Variants in SAMMSON observed in about 807,000 individuals in gnomAD.
SAMMSON encodes the protein survival associated mitochondrial melanoma specific oncogenic non-coding RNA.
chr3:70,426,920 T>C (rs1371881015), intron 2 of SAMMSON, among the ~76,000 whole-genome samples: 2 of 152,224 alleles, frequency 1.3e-5, no homozygotes, highest in Non-Finnish European at 2.9e-5. Context: ...CACTTTCACA[T>C]TTAACATTTC....
chr3:70,078,272 A>C (rs2067255999), intron 4 of SAMMSON, among the ~76,000 whole-genome samples: 1 of 152,170 alleles, frequency 6.6e-6, no homozygotes. Flanking sequence ...CTTTTCTTCC[A>C]GTGTCACCAG....
rs142565506 is a variant in SAMMSON, at chr3:70,020,975, T to C, written n.417+7303T>C. ...TTCTGAAAGTGTTGGTAATGGTGAA[T>C]GAAATGAAATGTTTGTATTCTAGCA... On this transcript the variant is annotated intron_variant and non_coding_transcript_variant, in intron 3 of 9. Transcript: ENST00000642114. Among the ~76,000 whole-genome samples the C allele has an allele frequency of 3.1e-4, 47 of 152,306 alleles. 1 individual carries two copies. The East Asian group carries it at 8.9e-3, about 29-fold the overall frequency.
At chr3:70,203,572 G>C (rs989198453) in intron 4 of SAMMSON, among the ~76,000 whole-genome samples, 1 of 151,988 alleles carries the variant, frequency 6.6e-6, no homozygotes, top group African/African-American at 2.4e-5. Context: ...GTTTTTTTCT[G>C]AGCAAATGAA....
intron 2 of SAMMSON, among the ~76,000 whole-genome samples, chr3:70,431,094 A>G (rs780129063): frequency 6.6e-6 from 1 of 152,118 alleles, no homozygotes; most frequent in Non-Finnish European, 1.5e-5. Flanking sequence ...AGGAGTAGAA[A>G]TTCACTCAAA....
At chr3:70,424,391 A>AT (rs1484816305) in intron 2 of SAMMSON, among the ~76,000 whole-genome samples, 22 of 152,210 alleles carry the variant, frequency 1.4e-4, no homozygotes, top group Non-Finnish European at 4.4e-5. Flanking sequence ...TCTTTAAAAT[A>AT]TTTAATTTGG....
At chr3:70,262,194 CA>C (rs1453027038) in intron 6 of SAMMSON, among the ~76,000 whole-genome samples, 1 of 151,992 alleles carries the variant, frequency 6.6e-6, no homozygotes, top group Non-Finnish European at 1.5e-5. Flanking sequence ...GATGAAAGAA[CA>C]AAAATCATAT....
At chr3:70,131,577 A>G (rs1407436315) in intron 4 of SAMMSON, among the ~76,000 whole-genome samples, 3 of 152,108 alleles carry the variant, frequency 2.0e-5, no homozygotes, top group Non-Finnish European at 4.4e-5. Flanking sequence ...TAGTTAATGC[A>G]AGGCAATATA....
chr3:70,345,248 C>T (rs774609271), intron 7 of SAMMSON, among the ~76,000 whole-genome samples: 1 of 152,122 alleles, frequency 6.6e-6, no homozygotes, highest in Admixed American at 6.6e-5. Context: ...TTCCTGTGTA[C>T]ATGTCAAGTG....
chr3:70,298,323 G>A (rs77661329), intron 7 of SAMMSON, among the ~76,000 whole-genome samples: 1,942 of 152,114 alleles, frequency 0.013, 32 homozygotes, highest in African/African-American at 0.044. Flanking sequence ...ACAAAGATAA[G>A]CAAACAAAAT....
At chr3:70,099,414 G>T (rs1350002033) in intron 4 of SAMMSON, among the ~76,000 whole-genome samples, 1 of 152,086 alleles carries the variant, frequency 6.6e-6, no homozygotes, top group African/African-American at 2.4e-5. Flanking sequence ...GGTTTTAAAT[G>T]ACACTTCATT....
chr3:70,231,299 C>G (rs997030150), intron 4 of SAMMSON, among the ~76,000 whole-genome samples: 16 of 152,144 alleles, frequency 1.1e-4, no homozygotes, highest in African/African-American at 3.9e-4. Flanking sequence ...CGCTCCTGCC[C>G]CTGCCTTTTC....
intron 4 of SAMMSON, among the ~76,000 whole-genome samples, chr3:70,228,700 T>C (rs1379314891): frequency 2.6e-5 from 4 of 151,932 alleles, no homozygotes; most frequent in African/African-American, 4.8e-5. Flanking sequence ...TTACATTTGA[T>C]GAAGGAAATG....
At chr3:70,091,676 G>T (rs569952028) in intron 4 of SAMMSON, among the ~76,000 whole-genome samples, 1 of 152,222 alleles carries the variant, frequency 6.6e-6, no homozygotes, top group South Asian at 2.1e-4. Flanking sequence ...AGCAAGTCTG[G>T]CAACATCATA....
At chr3:70,432,553 T>C (rs571582006) in intron 2 of SAMMSON, among the ~76,000 whole-genome samples, 64 of 152,130 alleles carry the variant, frequency 4.2e-4, no homozygotes, top group Non-Finnish European at 8.0e-4. Context: ...AATGTTCCCA[T>C]ATAGATGCCC....
chr3:70,418,336 C>G (rs1701281901), intron 2 of SAMMSON, among the ~76,000 whole-genome samples: 1 of 152,212 alleles, frequency 6.6e-6, no homozygotes, highest in South Asian at 2.1e-4. Context: ...AGGTTACTCT[C>G]TGTTCATTTT....
chr3:70,195,794 AG>A (rs1353994512), intron 4 of SAMMSON, among the ~76,000 whole-genome samples: 1 of 152,246 alleles, frequency 6.6e-6, no homozygotes, highest in Non-Finnish European at 1.5e-5. Context: ...TTCTACAGAA[AG>A]TAAAGAACAT....
intron 3 of SAMMSON, among the ~76,000 whole-genome samples, chr3:70,027,611 A>G (rs999760886): frequency 1.3e-5 from 2 of 152,228 alleles, no homozygotes; most frequent in Non-Finnish European, 1.5e-5. Context: ...GTAGGTTGAT[A>G]GCAACAAATA....
chr3:70,253,145 T>C (rs1047353207), intron 6 of SAMMSON, among the ~76,000 whole-genome samples: 1 of 152,072 alleles, frequency 6.6e-6, no homozygotes, highest in Admixed American at 6.6e-5. Flanking sequence ...TTGTGATAAG[T>C]GCTAAAGAGA....
At chr3:70,230,021 T>C (rs1701543414) in intron 4 of SAMMSON, among the ~76,000 whole-genome samples, 2 of 152,170 alleles carry the variant, frequency 1.3e-5, no homozygotes, top group African/African-American at 4.8e-5. Context: ...AATTTTATCA[T>C]ATTAAAAGTG....
Sources: gnomAD v4.1 joint callset for allele counts (sites outside exome capture counted in the v4.1 genomes callset) on GRCh38, gnomAD v4.1.1 for gene constraint, MANE v1.5 for transcripts, NCBI Gene and HGNC (gene_info 2026-07-23, HGNC 2026-07-21) for gene names.